The following STXBP5 variants were observed in gnomAD, a reference collection of about 807,000 sequenced individuals.
STXBP5 encodes syntaxin-binding protein 5.
STXBP5 carries 50 observed loss-of-function variants against 152.4 expected under a neutral mutation model. The ratio of observed to expected loss-of-function variants is 0.33; its 90% CI spans 0.26 to 0.42. The LOEUF (loss-of-function observed/expected upper bound fraction) is 0.42. STXBP5 is among the 10% of genes least tolerant of loss of function. STXBP5 has a pLI of 1.00. For missense variants in STXBP5, 1,167 were observed against 1,388.6 expected, an observed-to-expected ratio of 0.84 and a Z score of 2.54; for synonymous variants, 492 against 494.7, an observed-to-expected ratio of 0.99 and a Z score of 0.07.
intron 4 of STXBP5, among the ~76,000 whole-genome samples, chr6:147,251,121 G>A (rs747275862): frequency 6.6e-6 from 1 of 152,174 alleles, no homozygotes; most frequent in Non-Finnish European, 1.5e-5. Flanking sequence ...TAGACAGTGG[G>A]TGCAGTCCAC....
chr6:147,280,622 C>T (rs540097141), intron 8 of STXBP5, among the ~76,000 whole-genome samples: 1 of 152,214 alleles, frequency 6.6e-6, no homozygotes, highest in South Asian at 2.1e-4. Context: ...TTCACTATTA[C>T]TGTGATGGTT....
In STXBP5 at chr6:147,316,247, T is replaced by C. The variant is rs1438322921; in HGVS notation, c.1642T>C (p.Leu548=). The change falls in exon 16 of 28, where the codon TTA becomes CTA. Residue 548 remains leucine, a synonymous_variant. Transcript: ENST00000321680. ...ACAACAGATGCTTGAAGTTCGATTA[T>C]TATATGAGATAAATGATGTGGAAAC... The part of the protein sequence containing the change: ...EVIPMLEVRL[L]YEINDVETPE... 11 of 1,613,940 alleles carry C rather than the reference T, an allele frequency of 6.8e-6. No homozygotes were observed. The highest frequency in any genetic ancestry group is 4.0e-5 in the African/African-American group (3 of 75,014).
intron 22 of STXBP5, among the ~76,000 whole-genome samples, chr6:147,358,212 A>G (rs574378322): frequency 7.4e-6 from 1 of 134,620 alleles, no homozygotes; most frequent in African/African-American, 3.4e-5. Flanking sequence ...GGCAAATCTG[A>G]AAAAAAAAAA....
At chr6:147,227,097 G>T (rs1777756817) in intron 2 of STXBP5, among the ~76,000 whole-genome samples, 3 of 152,152 alleles carry the variant, frequency 2.0e-5, no homozygotes, top group South Asian at 4.1e-4. Context: ...CAGAATGTGA[G>T]GGATGAAAAC....
chr6:147,315,992 T>C (rs1782623362), intron 15 of STXBP5, among the ~76,000 whole-genome samples: 1 of 152,206 alleles, frequency 6.6e-6, no homozygotes, highest in African/African-American at 2.4e-5. Context: ...TAATTTGATA[T>C]TAACACGAGT....
At chr6:147,314,120 T>G in intron 12 of STXBP5, 89 bp downstream of exon 12, 1 of 1,494,356 alleles carries the variant, frequency 6.7e-7, no homozygotes, top group Admixed American at 2.0e-5. Context: ...ATTATACCTT[T>G]TCTATGGAAA....
intron 8 of STXBP5, among the ~76,000 whole-genome samples, chr6:147,284,539 T>C (rs1433635915): frequency 6.6e-6 from 1 of 152,186 alleles, no homozygotes; most frequent in Admixed American, 6.5e-5. Flanking sequence ...TAACATGATA[T>C]GGAAACAAAT....
chr6:147,374,389 T>G (rs1785710153), intron 26 of STXBP5, among the ~76,000 whole-genome samples: 2 of 152,084 alleles, frequency 1.3e-5, no homozygotes. Context: ...TTTTCTAAAA[T>G]ATTTAGAATT....
intron 22 of STXBP5, among the ~76,000 whole-genome samples, chr6:147,354,029 A>T (rs932474302): frequency 6.6e-6 from 1 of 152,308 alleles, no homozygotes; most frequent in African/African-American, 2.4e-5. Context: ...GTATCTTTTT[A>T]AACTCATTTT....
chr6:147,214,668 T>C (rs1777069031), intron 2 of STXBP5, among the ~76,000 whole-genome samples: 1 of 152,244 alleles, frequency 6.6e-6, no homozygotes, highest in Non-Finnish European at 1.5e-5. Context: ...TTGCCATTTC[T>C]TTATAAGTAA....
At chr6:147,376,284 G>C (rs536833559) in intron 26 of STXBP5, among the ~76,000 whole-genome samples, 25 of 152,184 alleles carry the variant, frequency 1.6e-4, no homozygotes, top group Non-Finnish European at 2.2e-4. Flanking sequence ...CATTGATAAG[G>C]ACACATGTAA....
chr6:147,342,550 C>G (rs1475760586), intron 21 of STXBP5, among the ~76,000 whole-genome samples: 1 of 152,072 alleles, frequency 6.6e-6, no homozygotes, highest in Non-Finnish European at 1.5e-5. Flanking sequence ...ATTTGTTTTG[C>G]CTGTGTATAC....
intron 22 of STXBP5, among the ~76,000 whole-genome samples, chr6:147,353,685 C>A (rs186628139): frequency 6.6e-6 from 1 of 152,060 alleles, no homozygotes; most frequent in Non-Finnish European, 1.5e-5. Context: ...GTGGTTGTAT[C>A]CCATTTAACC....
At chr6:147,283,326 A>G (rs973311827) in intron 8 of STXBP5, among the ~76,000 whole-genome samples, 3 of 152,204 alleles carry the variant, frequency 2.0e-5, no homozygotes, top group African/African-American at 7.2e-5. Context: ...TGCTTTTAAG[A>G]TTCACCTGAA....
intron 4 of STXBP5, among the ~76,000 whole-genome samples, chr6:147,241,183 T>C (rs537491058): frequency 6.6e-6 from 1 of 152,332 alleles, no homozygotes; most frequent in South Asian, 2.1e-4. Context: ...ATATACCTCA[T>C]ATACCACCCT....
chr6:147,288,607 G>A (rs926453988), intron 8 of STXBP5, among the ~76,000 whole-genome samples: 5 of 152,074 alleles, frequency 3.3e-5, no homozygotes, highest in East Asian at 1.9e-4. Flanking sequence ...CAAGTTCATC[G>A]AGGTCCTCCT....
chr6:147,236,384 A>C (rs772716538), intron 3 of STXBP5, among the ~76,000 whole-genome samples: 1 of 152,152 alleles, frequency 6.6e-6, no homozygotes, highest in Non-Finnish European at 1.5e-5. Context: ...CCTCCTTTAA[A>C]TAATGTTTTA....
rs763941350 is a variant in STXBP5 at position 147,204,664 on chromosome 6, G to T, written c.132G>T (p.Glu44Asp). 6.9e-6 allele frequency: 11 copies of T among 1,603,972 alleles called. No individual in the cohort carries two copies. In the South Asian group the frequency reaches 1.2e-4, roughly 18 times the overall value. ...EPEIQETLQS[E>D]HFQLCKTVRH... ...AGATCCAGGAAACGCTCCAGTCCGA[G>T]CACTTTCAGCTCTGCAAGGTGAACG... Residue 44 changes from glutamate (E) to aspartate (D), a missense_variant, in exon 1 of 28, where the codon GAG becomes GAT. Transcript: ENST00000321680. This position sits in a 1 kb window ranked among gnomAD's most constrained non-coding sequence, Gnocchi z 4.3.
chr6:147,256,156 A>T (rs73584509), intron 4 of STXBP5, among the ~76,000 whole-genome samples: 5 of 152,164 alleles, frequency 3.3e-5, no homozygotes, highest in Admixed American at 2.6e-4. Context: ...CTCTCACCAC[A>T]TGAAGCTCAT....
Sources: gnomAD v4.1 joint callset for allele counts (sites outside exome capture counted in the v4.1 genomes callset) on GRCh38, gnomAD v4.1.1 for gene constraint, Gnocchi (gnomAD v3.1) non-coding constraint, MANE v1.5 for transcripts, NCBI Gene and HGNC (gene_info 2026-07-23, HGNC 2026-07-21) for gene names.